The following NAALADL2 variants were observed in gnomAD, a reference collection of about 807,000 sequenced individuals.
NAALADL2 encodes the protein inactive N-acetylated-alpha-linked acidic dipeptidase-like protein 2.
In NAALADL2, 76 loss-of-function variants were observed where a neutral mutation model predicts 87.2. That is an observed-to-expected ratio of 0.87 (90% CI 0.72 to 1.05). The LOEUF (loss-of-function observed/expected upper bound fraction) is 1.05. Among genes scored for constraint, NAALADL2 ranks in the 50% least tolerant of loss-of-function variants. NAALADL2 has a pLI of 0.00. For synonymous variants in NAALADL2, 354 were observed against 331.0 expected (o/e 1.07, Z -0.75); for missense variants, 1,089 against 945.8 (o/e 1.15, Z -1.99).
intron 1 of NAALADL2, among the ~76,000 whole-genome samples, chr3:174,472,848 T>G (rs1716986763): frequency 6.6e-6 from 1 of 152,198 alleles, no homozygotes; most frequent in Non-Finnish European, 1.5e-5. Context: ...ATGTTGCACT[T>G]TGTAGAAACA....
chr3:174,865,292 G>A (rs1270149054), intron 1 of NAALADL2, among the ~76,000 whole-genome samples: 1 of 152,116 alleles, frequency 6.6e-6, no homozygotes, highest in Non-Finnish European at 1.5e-5. Context: ...TAATGAACAT[G>A]CAAAAGGTGT....
chr3:174,676,593 T>G (rs1025044637), intron 2 of NAALADL2, among the ~76,000 whole-genome samples: 1 of 151,970 alleles, frequency 6.6e-6, no homozygotes, highest in African/African-American at 2.4e-5. Context: ...TGTAACACCT[T>G]AAAGATTTTT....
chr3:174,768,068 C>T (rs936032540), intron 3 of NAALADL2, among the ~76,000 whole-genome samples: 9 of 152,162 alleles, frequency 5.9e-5, no homozygotes, highest in Non-Finnish European at 1.3e-4. Context: ...AGAAGCAAGT[C>T]ACCCAAGCAA....
At chr3:174,688,485 G>C (rs994331200) in intron 2 of NAALADL2, among the ~76,000 whole-genome samples, 1 of 151,790 alleles carries the variant, frequency 6.6e-6, no homozygotes, top group Non-Finnish European at 1.5e-5. Flanking sequence ...TCATATAGTT[G>C]TTGTGAGCTT....
At chr3:175,614,927 G>C (rs1035681150) in intron 10 of NAALADL2, among the ~76,000 whole-genome samples, 1 of 152,188 alleles carries the variant, frequency 6.6e-6, no homozygotes, top group South Asian at 2.1e-4. Context: ...TCATAAAACA[G>C]AAATTCTGAG....
intron 11 of NAALADL2, among the ~76,000 whole-genome samples, chr3:175,733,165 G>T (rs1217488793): frequency 6.6e-6 from 1 of 152,142 alleles, no homozygotes; most frequent in Non-Finnish European, 1.5e-5. Context: ...GACTTGAATT[G>T]TGCAAACAAT....
chr3:175,094,616 A>G (rs1300510808), intron 1 of NAALADL2, among the ~76,000 whole-genome samples: 1 of 151,956 alleles, frequency 6.6e-6, no homozygotes, highest in East Asian at 1.9e-4. Flanking sequence ...GGGAAACAAG[A>G]CCAAACAAGA....
At chr3:175,530,084 A>G (rs372757762) in intron 9 of NAALADL2, among the ~76,000 whole-genome samples, 5 of 152,278 alleles carry the variant, frequency 3.3e-5, no homozygotes, top group African/African-American at 1.2e-4. Context: ...GCCCATGTGT[A>G]ACTTCCATCC....
intron 2 of NAALADL2, among the ~76,000 whole-genome samples, chr3:174,583,778 C>G (rs1029752242): frequency 6.6e-6 from 1 of 151,948 alleles, no homozygotes; most frequent in African/African-American, 2.4e-5. Flanking sequence ...AATTTCATTT[C>G]AAAGGTTGAA....
chr3:174,824,106 G>A (rs1377067168), intron 3 of NAALADL2, among the ~76,000 whole-genome samples: 2 of 152,096 alleles, frequency 1.3e-5, no homozygotes. Flanking sequence ...GGGAAATTGA[G>A]TTTCATAAAC....
chr3:175,024,882 G>A (rs1752023849), intron 1 of NAALADL2, among the ~76,000 whole-genome samples: 2 of 151,930 alleles, frequency 1.3e-5, no homozygotes, highest in Middle Eastern at 3.2e-3. Context: ...ATAACAATAA[G>A]GGAGATGAGT....
At chr3:175,323,700 T>C (rs1480653272) in intron 4 of NAALADL2, among the ~76,000 whole-genome samples, 1 of 150,050 alleles carries the variant, frequency 6.7e-6, no homozygotes, top group Admixed American at 6.6e-5. Context: ...CTGGGCTTGA[T>C]AGAAATCTAA....
At chr3:174,564,839 CT>C (rs920130184) in intron 2 of NAALADL2, among the ~76,000 whole-genome samples, 17 of 150,632 alleles carry the variant, frequency 1.1e-4, no homozygotes, top group African/African-American at 2.4e-4. Flanking sequence ...CTTTATATAT[CT>C]TTTTTTTTCC....
chr3:175,091,682 C>T (rs946521834), intron 1 of NAALADL2, among the ~76,000 whole-genome samples: 3 of 151,996 alleles, frequency 2.0e-5, no homozygotes, highest in Non-Finnish European at 4.4e-5. Context: ...TACGATTACA[C>T]ATCACCAATT....
intron 11 of NAALADL2, among the ~76,000 whole-genome samples, chr3:175,736,146 A>C (rs939529859): frequency 1.3e-5 from 2 of 152,232 alleles, no homozygotes; most frequent in Admixed American, 1.3e-4. Context: ...GTATGAATGC[A>C]TATGACTTGT....
At chr3:174,623,022 G>T (rs1357026305) in intron 2 of NAALADL2, among the ~76,000 whole-genome samples, 1 of 152,142 alleles carries the variant, frequency 6.6e-6, no homozygotes, top group Non-Finnish European at 1.5e-5. Context: ...CAGCCTGGAC[G>T]ACAGAGTGAG....
At chr3:175,674,268 T>G (rs1016610530) in intron 11 of NAALADL2, among the ~76,000 whole-genome samples, 1 of 147,530 alleles carries the variant, frequency 6.8e-6, no homozygotes, top group Non-Finnish European at 1.5e-5. Context: ...TTGTTTGTTT[T>G]GTTTTTTTTG....
At chr3:175,139,023 G>T (rs1376519856) in intron 2 of NAALADL2, among the ~76,000 whole-genome samples, 1 of 149,802 alleles carries the variant, frequency 6.7e-6, no homozygotes, top group Non-Finnish European at 1.5e-5. Flanking sequence ...TTTTTTGAAA[G>T]AAGTGAAATA....
At chr3:175,566,674 T>C (rs1174922670) in intron 9 of NAALADL2, among the ~76,000 whole-genome samples, 1 of 152,142 alleles carries the variant, frequency 6.6e-6, no homozygotes, top group African/African-American at 2.4e-5. Context: ...GGACTAAATA[T>C]AAAAGTCGCT....
Sources: gnomAD v4.1 joint callset for allele counts (sites outside exome capture counted in the v4.1 genomes callset) on GRCh38, gnomAD v4.1.1 for gene constraint, MANE v1.5 for transcripts, NCBI Gene and HGNC (gene_info 2026-07-23, HGNC 2026-07-21) for gene names.